The following KANSL1 variants were observed in gnomAD, a reference collection of about 807,000 sequenced individuals.
The protein encoded by KANSL1 is KAT8 regulatory NSL complex subunit 1, also known as MLL1/MLL complex subunit KANSL1.
Under a neutral mutation model 103.6 loss-of-function variants are expected in KANSL1, and 22 were observed. That is an observed-to-expected ratio of 0.21 (90% CI 0.15 to 0.30). The LOEUF is 0.30. Among genes scored for constraint, KANSL1 ranks in the 10% least tolerant of loss-of-function variants. The probability of loss-of-function intolerance (pLI) is 1.00; values close to 1 mark genes in which losing one functional copy is unlikely to be tolerated. For missense variants in KANSL1, 1,337 were observed against 1,399.8 expected, an observed-to-expected ratio of 0.96 and a Z score of 0.72; for synonymous variants, 600 against 527.6, an observed-to-expected ratio of 1.14 and a Z score of -1.88.
intron 2 of KANSL1, among the ~76,000 whole-genome samples, chr17:46,108,941 GA>G (rs1420101776): frequency 6.6e-6 from 1 of 152,130 alleles, no homozygotes; most frequent in African/African-American, 2.4e-5. Context: ...CTACTAACAA[GA>G]TATTTGAGAG....
chr17:46,094,472 TGG>T, intron 3 of KANSL1, 86 bp downstream of exon 3: 1 of 1,428,664 alleles, frequency 7.0e-7, no homozygotes, highest in Non-Finnish European at 9.6e-7. Context: ...AAGAGGGTTA[TGG>T]GGGTTACGAG....
At chr17:46,115,397 C>T (rs537145239) in intron 2 of KANSL1, among the ~76,000 whole-genome samples, 7 of 152,052 alleles carry the variant, frequency 4.6e-5, no homozygotes, top group African/African-American at 1.7e-4. Context: ...AAAGAAAGTG[C>T]AGATTTTCTG....
chr17:46,086,778 A>C (rs2079179937), intron 3 of KANSL1, among the ~76,000 whole-genome samples: 1 of 152,070 alleles, frequency 6.6e-6, no homozygotes, highest in African/African-American at 2.4e-5. Context: ...ACGTGGCAAA[A>C]CCCTGTCTCC....
chr17:46,183,448 G>A (rs1489688460), intron 1 of KANSL1, among the ~76,000 whole-genome samples: 9 of 152,102 alleles, frequency 5.9e-5, no homozygotes. Context: ...GGCATAGTGG[G>A]AGGGTCACTT....
intron 6 of KANSL1, among the ~76,000 whole-genome samples, chr17:46,055,415 A>C (rs1224091012): frequency 6.6e-6 from 1 of 151,606 alleles, no homozygotes; most frequent in Non-Finnish European, 1.5e-5. Flanking sequence ...CAGTGAGCTG[A>C]GATCGCACCA....
At chr17:46,135,378 A>G (rs1274209188) in intron 2 of KANSL1, among the ~76,000 whole-genome samples, 1 of 133,872 alleles carries the variant, frequency 7.5e-6, no homozygotes, top group African/African-American at 2.5e-5. Context: ...AACATAAAAC[A>G]TAGTATGGAA....
intron 6 of KANSL1, among the ~76,000 whole-genome samples, chr17:46,056,772 CTG>C (rs2077946896): frequency 1.3e-5 from 2 of 152,332 alleles, no homozygotes; most frequent in East Asian, 1.9e-4. Flanking sequence ...TCAAATGACT[CTG>C]TAACTGTTAA....
At chr17:46,120,160 A>T (rs969461795) in intron 2 of KANSL1, 2 of 152,230 alleles carry the variant, frequency 1.3e-5, no homozygotes, top group African/African-American at 4.8e-5. Context: ...AGCTACCAAA[A>T]CTGAACACTG....
intron 2 of KANSL1, among the ~76,000 whole-genome samples, chr17:46,155,185 T>C (rs1180232137): frequency 1.5e-5 from 2 of 132,150 alleles, no homozygotes; most frequent in African/African-American, 6.3e-5. Context: ...TTTTTTGAGA[T>C]GGAGTCTTGC....
chr17:46,102,313 G>C (rs755448367), intron 2 of KANSL1, among the ~76,000 whole-genome samples: 1 of 152,086 alleles, frequency 6.6e-6, no homozygotes, highest in Non-Finnish European at 1.5e-5. Context: ...GCAGAGGCAC[G>C]ATCTCAGCTC....
intron 1 of KANSL1, among the ~76,000 whole-genome samples, chr17:46,214,772 C>T (rs1340596121): frequency 1.3e-5 from 2 of 152,210 alleles, no homozygotes; most frequent in Non-Finnish European, 2.9e-5. Context: ...GCAATCAGTA[C>T]AATAGAAGTG....
intron 6 of KANSL1, among the ~76,000 whole-genome samples, chr17:46,056,545 C>T (rs527611138): frequency 2.0e-5 from 3 of 150,666 alleles, no homozygotes; most frequent in African/African-American, 4.8e-5. Flanking sequence ...ATCTGGCTCT[C>T]GACTCTTAAT....
At chr17:46,142,446 C>G (rs1329177652) in intron 2 of KANSL1, among the ~76,000 whole-genome samples, 2 of 152,046 alleles carry the variant, frequency 1.3e-5, no homozygotes, top group Non-Finnish European at 2.9e-5. Context: ...AAAACCCCAT[C>G]TCTACAAAGA....
upstream of KANSL1, chr17:46,193,561 C>A (rs1229014616): frequency 5.9e-5 from 9 of 151,496 alleles, no homozygotes; most frequent in Non-Finnish European, 1.0e-4. Context: ...CGCCGCGCCG[C>A]CCCCGCGGGC....
chr17:46,178,244 AAAAC>A (rs1282049915), intron 1 of KANSL1, among the ~76,000 whole-genome samples: 46 of 152,230 alleles, frequency 3.0e-4, no homozygotes, highest in Admixed American at 2.0e-3. Context: ...AAAAAAACGA[AAAAC>A]AAAAAAAGGA....
chr17:46,050,940 T>C lies in KANSL1; in HGVS notation c.1849-236A>G, dbSNP rs540813575. Reference sequence around the variant, plus strand: ...AGGAAACTTGCTTCCTTTTCATTGATGAAATCTAACTACTTGAAGCTCTAA... The same window carrying C: ...AGGAAACTTGCTTCCTTTTCATTGACGAAATCTAACTACTTGAAGCTCTAA... On this transcript the variant is annotated intron_variant, in intron 6 of 14. Transcript: ENST00000432791. 2.6e-5 allele frequency among the ~76,000 whole-genome samples: 4 copies of C among 152,366 alleles called. No individual in the cohort carries two copies. The East Asian group carries it at 7.7e-4, about 29-fold the overall frequency.
chr17:46,087,488 G>C (rs1183191702), intron 3 of KANSL1, among the ~76,000 whole-genome samples: 1 of 152,214 alleles, frequency 6.6e-6, no homozygotes, highest in East Asian at 1.9e-4. Flanking sequence ...CCACGTGCAA[G>C]GTAGTGTGAA....
Position 46,171,963 on chromosome 17 carries a change from G to T in KANSL1, c.181C>A (p.Leu61Ile), listed in dbSNP as rs1567764831. ...TTGGTAGGATTATTTCGGAAATCTA[G>T]GCTGGGATCCTCTGCAGCAATGGCT... ...RKAIAAEDPSLDFRNNPTKED... is the reference protein window; with the variant it reads ...RKAIAAEDPSIDFRNNPTKED... Residue 61 changes from leucine (L) to isoleucine (I), a missense_variant, in exon 2 of 15, where the codon CTA (leucine) becomes ATA (isoleucine). Coordinates refer to ENST00000432791, the MANE Select transcript of KANSL1 (RefSeq NM_015443.4). 1 of 1,614,146 alleles carries T rather than the reference G, an allele frequency of 6.2e-7. No homozygotes were observed. The highest frequency in any genetic ancestry group is 1.3e-5 in the African/African-American group (1 of 74,954).
intron 2 of KANSL1, among the ~76,000 whole-genome samples, chr17:46,104,911 G>A (rs1598628082): frequency 6.6e-6 from 1 of 152,076 alleles, no homozygotes; most frequent in Admixed American, 6.6e-5. Context: ...TGCTTCCCAG[G>A]TTCAAGCGAA....
Sources: allele counts gnomAD v4.1 joint callset (sites outside exome capture counted in the v4.1 genomes callset), GRCh38; gene constraint gnomAD v4.1.1; transcripts MANE v1.5; gene names NCBI Gene and HGNC (gene_info 2026-07-23, HGNC 2026-07-21).